The following EYS variants were observed in gnomAD, a reference collection of about 807,000 sequenced individuals.
The protein encoded by EYS is EGF-like photoreceptor maintenance factor.
A neutral mutation model predicts 282.1 loss-of-function variants in EYS; 250 were observed. The observed-to-expected ratio is 0.89, with a 90% CI of 0.80 to 0.98. The LOEUF is 0.98. EYS is among the 50% of genes least tolerant of loss of function. The pLI is 0.00. For missense variants in EYS, 4,016 were observed against 3,709.0 expected, an observed-to-expected ratio of 1.08 and a Z score of -2.15; for synonymous variants, 1,355 against 1,282.9, an observed-to-expected ratio of 1.06 and a Z score of -1.20.
intron 31 of EYS, among the ~76,000 whole-genome samples, chr6:64,176,604 A>C (rs1409910068): frequency 6.6e-6 from 1 of 152,044 alleles, no homozygotes; most frequent in Non-Finnish European, 1.5e-5. Context: ...TTGGAGAAAC[A>C]TGAAAAAAAT....
At chr6:63,935,254 T>C (rs1434107302) in intron 35 of EYS, among the ~76,000 whole-genome samples, 1 of 152,236 alleles carries the variant, frequency 6.6e-6, no homozygotes, top group Non-Finnish European at 1.5e-5. Context: ...TATAGCCTGA[T>C]ACATAGCATG....
intron 12 of EYS, among the ~76,000 whole-genome samples, chr6:65,134,999 T>C (rs1266745992): frequency 6.6e-6 from 1 of 152,034 alleles, no homozygotes; most frequent in East Asian, 1.9e-4. Flanking sequence ...AACTGATATA[T>C]ATATATTTTT....
rs1200642297 is a variant in EYS, at chr6:64,209,007, T to G, written c.6424+21585A>C. On this transcript the variant is annotated intron_variant, in intron 31 of 42. Coordinates refer to ENST00000503581, the MANE Select transcript of EYS (RefSeq NM_001142800.2). ...TAATTTTTTTCTACTATGTTATTTC[T>G]TCTTCATTTTACTATATATATTTTG... 2.0e-5 allele frequency among the ~76,000 whole-genome samples: 3 copies of G among 152,152 alleles called. No homozygotes were observed. In the East Asian group the frequency reaches 5.8e-4, roughly 29 times the overall value.
In EYS at chr6:64,424,218, G is replaced by C. The variant is rs1401717331; in HGVS notation, c.5927+11956C>G. On this transcript the variant is annotated intron_variant, in intron 28 of 42. Transcript: ENST00000503581. ...AATCAACCCCCGTTTTCATATTTTT[G>C]ACAGTTTACGACCTACATAAAATAT... 2.0e-5 allele frequency among the ~76,000 whole-genome samples: 3 copies of C among 152,046 alleles called. No individual in the cohort carries two copies. In the East Asian group the frequency reaches 5.8e-4, roughly 29 times the overall value.
chr6:65,456,012 AGAAGGAAG>A (rs151064277), intron 5 of EYS, among the ~76,000 whole-genome samples: 8 of 101,574 alleles, frequency 7.9e-5, no homozygotes, highest in South Asian at 6.0e-4. Flanking sequence ...AAAGAAAGAA[AGAAGGAAG>A]GAAGGAAGGG....
At chr6:64,049,831 G>T (rs577475084) in intron 33 of EYS, among the ~76,000 whole-genome samples, 3 of 152,242 alleles carry the variant, frequency 2.0e-5, no homozygotes, top group Admixed American at 2.0e-4. Context: ...AAGACAGATA[G>T]AAATGAGGTT....
At chr6:64,147,034 C>T (rs1026390842) in intron 31 of EYS, among the ~76,000 whole-genome samples, 1 of 152,132 alleles carries the variant, frequency 6.6e-6, no homozygotes, top group Non-Finnish European at 1.5e-5. Flanking sequence ...ATTCACTTTC[C>T]ACCACATCAC....
chr6:64,874,492 T>C (rs1766685391), intron 19 of EYS, among the ~76,000 whole-genome samples: 1 of 152,072 alleles, frequency 6.6e-6, no homozygotes, highest in Non-Finnish European at 1.5e-5. Context: ...TTCCTTCCTG[T>C]TTTGATTTTT....
At chr6:64,096,579 C>T (rs1161517452) in intron 31 of EYS, among the ~76,000 whole-genome samples, 1 of 152,230 alleles carries the variant, frequency 6.6e-6, no homozygotes, top group Non-Finnish European at 1.5e-5. Flanking sequence ...ACGTAGTTCT[C>T]ATGCTGTGGT....
chr6:64,024,292 T>C (rs1354265952), intron 33 of EYS, among the ~76,000 whole-genome samples: 1 of 152,068 alleles, frequency 6.6e-6, no homozygotes, highest in East Asian at 1.9e-4. Context: ...GGTTTGTGAA[T>C]GCACCAATTG....
intron 35 of EYS, among the ~76,000 whole-genome samples, chr6:63,872,870 G>A (rs995966250): frequency 6.6e-6 from 1 of 152,018 alleles, no homozygotes; most frequent in Non-Finnish European, 1.5e-5. Flanking sequence ...CTAAATTACT[G>A]TGTGGCTCTG....
intron 41 of EYS, among the ~76,000 whole-genome samples, chr6:63,762,175 A>C (rs1769659369): frequency 6.6e-6 from 1 of 152,086 alleles, no homozygotes; most frequent in Admixed American, 6.6e-5. Context: ...ACTTAAGCTC[A>C]CTTGACTTAA....
intron 30 of EYS, among the ~76,000 whole-genome samples, chr6:64,283,212 T>A (rs1768373312): frequency 6.6e-6 from 1 of 152,152 alleles, no homozygotes; most frequent in South Asian, 2.1e-4. Flanking sequence ...CTCATATGAT[T>A]CATATTTTTT....
intron 13 of EYS, among the ~76,000 whole-genome samples, chr6:65,013,640 C>T (rs1170086556): frequency 6.6e-6 from 1 of 152,028 alleles, no homozygotes; most frequent in Non-Finnish European, 1.5e-5. Flanking sequence ...CTTTGGGAGG[C>T]CAAGGTGGGA....
chr6:65,186,044 A>G (rs1296213826), intron 12 of EYS, among the ~76,000 whole-genome samples: 2 of 151,696 alleles, frequency 1.3e-5, no homozygotes, highest in African/African-American at 4.8e-5. Context: ...TTCCCGAACT[A>G]TAAACACAGG....
intron 31 of EYS, among the ~76,000 whole-genome samples, chr6:64,119,355 T>A (rs1357395483): frequency 1.3e-5 from 2 of 152,212 alleles, no homozygotes; most frequent in African/African-American, 4.8e-5. Context: ...GTATACCACT[T>A]GATTGAATTT....
intron 22 of EYS, among the ~76,000 whole-genome samples, chr6:64,788,820 C>T (rs529562257): frequency 7.2e-5 from 11 of 152,086 alleles, no homozygotes; most frequent in South Asian, 6.2e-4. Flanking sequence ...CTTGTGACTT[C>T]CTGTCCTTGT....
intron 33 of EYS, among the ~76,000 whole-genome samples, chr6:64,008,252 A>G (rs1768443081): frequency 6.6e-6 from 1 of 151,968 alleles, no homozygotes. Context: ...TTTTTTGATC[A>G]TTATTGGCTT....
rs201916371 is a variant in EYS, at chr6:64,590,727, T to A, written c.5140A>T (p.Thr1714Ser). 2 of 1,551,174 alleles carry A rather than the reference T, an allele frequency of 1.3e-6. No homozygotes were observed. Among genetic ancestry groups the A allele is most frequent in the Non-Finnish European group, 8.7e-7 (1 of 1,146,598 alleles). The change falls in exon 26 of 43, where the codon ACT becomes TCT. Residue 1714 changes from threonine (T) to serine (S), a missense_variant. By Grantham distance (58) the Thr-to-Ser change is moderately conservative (BLOSUM62 1). Coordinates refer to ENST00000503581, the MANE Select transcript of EYS (RefSeq NM_001142800.2). ...AAGCTCTCTTGATTTAGTACCTCAG[T>A]GGGTCCCATAGTTATGCCATATTGT... is the stretch of plus-strand genomic sequence containing the variant. ...IRQYGITMGP[T>S]EVLNQESLLD...
Sources: allele counts gnomAD v4.1 joint callset (sites outside exome capture counted in the v4.1 genomes callset), GRCh38; gene constraint gnomAD v4.1.1; transcripts MANE v1.5; gene names NCBI Gene and HGNC (gene_info 2026-07-23, HGNC 2026-07-21).